Variants in ZNF490 observed in about 807,000 individuals in gnomAD.
ZNF490 encodes the protein zinc finger protein 490.
A neutral mutation model predicts 17.7 loss-of-function variants in ZNF490; 11 were observed. That is an observed-to-expected ratio of 0.62 (90% CI 0.39 to 1.03). The LOEUF (loss-of-function observed/expected upper bound fraction) is 1.03. ZNF490 is among the 50% of genes least tolerant of loss of function. ZNF490 has a pLI of 0.00. For missense variants in ZNF490, 542 were observed against 643.4 expected (o/e 0.84, Z 1.71); for synonymous variants, 222 against 216.1 (o/e 1.03, Z -0.24).
intron 2 of ZNF490, among the ~76,000 whole-genome samples, chr19:12,600,133 C>T (rs908574058): frequency 6.6e-6 from 1 of 151,796 alleles, no homozygotes; most frequent in East Asian, 1.9e-4. Context: ...GAGGCCGAGG[C>T]GGGCAGATCA....
Position 12,581,895 on chromosome 19 carries a change from A to G in ZNF490, c.351-171T>C, listed in dbSNP as rs898998568. Among the ~76,000 whole-genome samples, 11 of 152,324 alleles carry G rather than the reference A, an allele frequency of 7.2e-5. No individual in the cohort carries two copies. In the East Asian group the frequency reaches 9.6e-4, roughly 13 times the overall value. On this transcript the variant is annotated intron_variant, in intron 4 of 4. Coordinates refer to ENST00000311437, the MANE Select transcript of ZNF490 (RefSeq NM_020714.3). Reference sequence around the variant, plus strand: ...CAATAGTCTAGAACAGGCCGTGACCATAGCTATTATCAAAATAGTTAAAAA... The same window carrying G: ...CAATAGTCTAGAACAGGCCGTGACCGTAGCTATTATCAAAATAGTTAAAAA...
chr19:12,585,912 G>C (rs1467587082), intron 2 of ZNF490, among the ~76,000 whole-genome samples: 1 of 92,498 alleles, frequency 1.1e-5, no homozygotes, highest in Non-Finnish European at 2.9e-5. Flanking sequence ...GGATGGTGTC[G>C]AACTCCTACC....
At position 12,576,612 on chromosome 19, in the gene ZNF490, G is replaced by A. The variant is rs1180904163; in HGVS notation, c.*3873C>T. 6.6e-6 allele frequency among the ~76,000 whole-genome samples: 1 copy of A among 151,574 alleles called. No homozygotes were observed. The highest frequency in any genetic ancestry group is 6.6e-5 in the Admixed American group (1 of 15,162). On this transcript the variant is annotated 3_prime_UTR_variant, in exon 5 of 5. Coordinates refer to ENST00000311437, the MANE Select transcript of ZNF490 (RefSeq NM_020714.3). Reference sequence around the variant, plus strand: ...GGGTGGATCACAAGGTCAGGAGATTGAGACCATCCTGGTCAACATGGTGAA... The same window carrying A: ...GGGTGGATCACAAGGTCAGGAGATTAAGACCATCCTGGTCAACATGGTGAA...
intron 2 of ZNF490, among the ~76,000 whole-genome samples, chr19:12,595,034 A>G (rs1721423603): frequency 6.6e-6 from 1 of 152,202 alleles, no homozygotes; most frequent in Non-Finnish European, 1.5e-5. Context: ...GGATTGCTAG[A>G]GCCCAGGAGT....
Position 12,599,936 on chromosome 19 carries a change from G to A in ZNF490, c.162+9222C>T, listed in dbSNP as rs185256093. Among the ~76,000 whole-genome samples the A allele has an allele frequency of 1.7e-4, 26 of 152,206 alleles. No homozygotes were observed. The East Asian group carries it at 1.7e-3, about 10-fold the overall frequency. ...TTGAATATTAAAATAAAAGCACAAC[G>A]GCTTTCTTTTAGAACACTAACCTGC... On this transcript the variant is annotated intron_variant, in intron 2 of 4. Transcript: ENST00000311437.
chr19:12,583,754 GCGCTCTCTCTCTCTCTCTCTCTCT>G (rs2022771618), intron 2 of ZNF490, among the ~76,000 whole-genome samples, 198 bp from the exon 3 acceptor site: 2 of 70,548 alleles, frequency 2.8e-5, no homozygotes. Flanking sequence ...AAAAATTATT[GCGCTCTCTCTCTCTCTCTCTCTCT>G]CTCTCTCTCT....
At position 12,580,514 on chromosome 19, in the gene ZNF490, C is replaced by T. The variant is rs773762891; in HGVS notation, c.1561G>A (p.Glu521Lys). Residue 521 changes from glutamate (E) to lysine (K), a missense_variant, in exon 5 of 5, where the codon GAA becomes AAA. Glu to Lys is a moderately conservative substitution (Grantham distance 56). Coordinates refer to ENST00000311437, the MANE Select transcript of ZNF490 (RefSeq NM_020714.3). ...GGCTTCTGTCTACTATGAGTCCTTT[C>T]GTGCACGTGCAAAGACTTTGAGTAA... ...FSYSKSLHVH[E>K]RTHSRQKP 4.4e-6 allele frequency: 7 copies of T among 1,606,598 alleles called. No homozygotes were observed. Among genetic ancestry groups the T allele is most frequent in the Admixed American group, 1.7e-5 (1 of 58,910 alleles).
At chr19:12,599,226 G>A (rs931546127) in intron 2 of ZNF490, among the ~76,000 whole-genome samples, 1 of 151,056 alleles carries the variant, frequency 6.6e-6, no homozygotes, top group Middle Eastern at 3.4e-3. Context: ...AGTATTTTTG[G>A]TTAAAAAAAG....
At chr19:12,590,116 C>G (rs2022851813) in intron 2 of ZNF490, among the ~76,000 whole-genome samples, 1 of 151,744 alleles carries the variant, frequency 6.6e-6, no homozygotes, top group African/African-American at 2.4e-5. Flanking sequence ...GGGGTTTCAC[C>G]ATATTGACCA....
chr19:12,580,165 C>G lies in ZNF490; in HGVS notation c.*320G>C. The G allele has an allele frequency of 9.4e-7, 1 of 1,067,260 alleles. No homozygotes were observed. The highest frequency in any genetic ancestry group is 1.1e-6 in the Non-Finnish European group (1 of 882,886). 66.1% of individuals were successfully genotyped at this position (1,067,260 alleles called of 1,614,324 possible). On this transcript the variant is annotated 3_prime_UTR_variant, in exon 5 of 5. Coordinates refer to ENST00000311437, the MANE Select transcript of ZNF490 (RefSeq NM_020714.3). ...AAAGATGGGATGGATATAGAATTTT[C>G]TTTATAGTTTCTCTCCAGTATATAT... is the stretch of plus-strand genomic sequence containing the variant.
intron 2 of ZNF490, among the ~76,000 whole-genome samples, chr19:12,606,034 C>G (rs977917015): frequency 6.6e-6 from 1 of 152,058 alleles, no homozygotes; most frequent in African/African-American, 2.4e-5. Context: ...GCATGTGCCA[C>G]CACGTCCCGC....
At chr19:12,583,037 C>G in intron 3 of ZNF490, 127 bp from the exon 4 acceptor site, 2 of 781,862 alleles carry the variant, frequency 2.6e-6, no homozygotes, top group Non-Finnish European at 2.0e-6. Context: ...AAAGTATTCT[C>G]TTCCCACATT....
At position 12,583,460 on chromosome 19, in the gene ZNF490, G is replaced by T. The variant is rs922160388; in HGVS notation, c.259C>A (p.Arg87=). The part of the protein sequence containing the change: ...GQRNIYRDVM[R]ATFKNLACIG... ...CAGGCCAGGTTCTTGAAGGTTGCCC[G>T]CATCACATCTCTGTAGATATTCCTC... Residue 87 remains arginine (R), a synonymous_variant, in exon 3 of 5, where the codon CGG becomes AGG. Coordinates refer to ENST00000311437, the MANE Select transcript of ZNF490 (RefSeq NM_020714.3). 5 of 1,604,474 alleles carry T rather than the reference G, an allele frequency of 3.1e-6. No individual in the cohort carries two copies. The Middle Eastern group carries it at 5.0e-4, about 160-fold the overall frequency.
At position 12,580,637 on chromosome 19, in the gene ZNF490, C is replaced by T; in HGVS notation, c.1438G>A (p.Gly480Ser). 1 of 1,614,170 alleles carries T rather than the reference C, an allele frequency of 6.2e-7. No homozygotes were observed. Among genetic ancestry groups the T allele is most frequent in the Non-Finnish European group, 8.5e-7 (1 of 1,180,036 alleles). Reference sequence around the variant, plus strand: ...GAATTTAAACAAGTGAAAGCTTTGCCACACTGCTTACACTCACATGGTTTC... The same window carrying T: ...GAATTTAAACAAGTGAAAGCTTTGCTACACTGCTTACACTCACATGGTTTC... ...GVKPCECKQC[G>S]KAFTCLNSLK... Residue 480 changes from glycine to serine, a missense_variant, in exon 5 of 5, where the codon GGC becomes AGC. Transcript: ENST00000311437.
Position 12,577,593 on chromosome 19 carries a change from CA to C in ZNF490, c.*2891del. 4 of 985,496 alleles carry C rather than the reference CA, an allele frequency of 4.1e-6. No homozygotes were observed. Among genetic ancestry groups the C allele is most frequent in the South Asian group, 4.7e-5 (1 of 21,284 alleles). The allele number at this position is 985,496 out of a possible 1,614,324, so 61.0% of individuals were successfully genotyped here. On this transcript the variant is annotated 3_prime_UTR_variant, in exon 5 of 5. Transcript: ENST00000311437. ...GGCTCAGCCACCAGGTCCTCCACTG[CA>C]TCTCCACAGTAGCCGTCACTTCCAC...
In ZNF490 at chr19:12,581,073, A is replaced by T. The variant is rs937561677; in HGVS notation, c.1002T>A (p.Phe334Leu). ...HEKTHTGEKP[F>L]VCRECGRAFF... ...AGGCTCTCCCACATTCCCTACATAC[A>T]AAAGGTTTCTCTCCAGTATGAGTTT... is the stretch of plus-strand genomic sequence containing the variant. The change falls in exon 5 of 5, where the codon TTT (phenylalanine) becomes TTA (leucine). Residue 334 changes from phenylalanine (F) to leucine (L), a missense_variant. Physicochemically the swap from Phe to Leu is conservative, Grantham distance 22. Coordinates refer to ENST00000311437, the MANE Select transcript of ZNF490 (RefSeq NM_020714.3). 6.2e-7 allele frequency: 1 copy of T among 1,614,032 alleles called. No individual in the cohort carries two copies. The highest frequency in any genetic ancestry group is 1.3e-5 in the African/African-American group (1 of 75,010).
At chr19:12,593,917 T>A (rs756479144) in intron 2 of ZNF490, among the ~76,000 whole-genome samples, 3 of 152,172 alleles carry the variant, frequency 2.0e-5, no homozygotes, top group Non-Finnish European at 2.9e-5. Context: ...AAGGCTAACA[T>A]TTGACTCTGT....
chr19:12,589,003 C>G (rs1409983946), intron 2 of ZNF490, among the ~76,000 whole-genome samples: 1 of 152,072 alleles, frequency 6.6e-6, no homozygotes, highest in East Asian at 1.9e-4. Flanking sequence ...GATCTGTAAT[C>G]AATAATCTCA....
chr19:12,583,202 T>C (rs189014174), intron 3 of ZNF490, among the ~76,000 whole-genome samples: 76 of 152,172 alleles, frequency 5.0e-4, no homozygotes, highest in African/African-American at 1.8e-3. Context: ...CCACCAGGCC[T>C]GGCTAATTTT....
Sources: gnomAD v4.1 joint callset for allele counts (sites outside exome capture counted in the v4.1 genomes callset) on GRCh38, gnomAD v4.1.1 for gene constraint, MANE v1.5 for transcripts, NCBI Gene and HGNC (gene_info 2026-07-23, HGNC 2026-07-21) for gene names.